The following CMIP variants were observed in gnomAD, a reference collection of about 807,000 sequenced individuals.
CMIP encodes C-Maf-inducing protein.
CMIP carries 13 observed loss-of-function variants against 97.3 expected under a neutral mutation model. That is an observed-to-expected ratio of 0.13 (90% CI 0.09 to 0.21). The LOEUF (loss-of-function observed/expected upper bound fraction) is 0.21, where lower values mean the gene tolerates loss of function less well. Ranked by LOEUF, CMIP falls within the 10% of genes least tolerant of loss-of-function variation. The pLI, the probability that CMIP is intolerant of heterozygous loss-of-function variation, is 1.00. For missense variants in CMIP, 847 were observed against 1,024.9 expected (o/e 0.83, Z 2.37); for synonymous variants, 538 against 436.3 (o/e 1.23, Z -2.91).
intron 1 of CMIP, among the ~76,000 whole-genome samples, chr16:81,556,953 G>A (rs2150865931): frequency 6.6e-6 from 1 of 152,302 alleles, no homozygotes; most frequent in Admixed American, 6.5e-5. Context: ...ATGTCATGTG[G>A]TGCCCTGGAT....
intron 4 of CMIP, among the ~76,000 whole-genome samples, chr16:81,657,292 TAGTTTGAGAAGC>T (rs2092494291): frequency 6.6e-6 from 1 of 152,184 alleles, no homozygotes; most frequent in Non-Finnish European, 1.5e-5. Flanking sequence ...CTTGGGAACT[TAGTTTGAGAAGC>T]ACTGAAATCA....
Position 81,709,856 on chromosome 16 carries a change from A to G in CMIP, c.*57A>G, listed in dbSNP as rs1908566550. On this transcript the variant is annotated 3_prime_UTR_variant, in exon 21 of 21. Transcript: ENST00000537098. ...AACCGCGACAAAATAACTCTTGACT[A>G]ACAGCCGCAGAGCAGCCGGTCCTGG... The G allele has an allele frequency of 2.8e-6, 4 of 1,413,340 alleles. No homozygotes were observed. In the African/African-American group the frequency reaches 4.4e-5, roughly 16 times the overall value. The allele number at this position is 1,413,340 out of a possible 1,614,324, so 87.5% of individuals were successfully genotyped here. A position where few individuals can be genotyped will look rare whatever the true frequency, so the allele number is the denominator to read the frequency against.
chr16:81,681,909 G>C (rs1904909223), intron 10 of CMIP, among the ~76,000 whole-genome samples: 1 of 152,138 alleles, frequency 6.6e-6, no homozygotes, highest in African/African-American at 2.4e-5. Flanking sequence ...TTCTTGATAA[G>C]AGTAAACTGC....
At chr16:81,514,898 G>A (rs778778661) in intron 1 of CMIP, among the ~76,000 whole-genome samples, 6 of 152,208 alleles carry the variant, frequency 3.9e-5, no homozygotes. Flanking sequence ...ACATCTTTCA[G>A]AGGAGCTACC....
Position 81,614,856 on chromosome 16 carries a change from CTG to C in CMIP, c.427-6013_427-6012del, listed in dbSNP as rs1024595699. ...ATACGGTGTGTATGCACATGTATCT[CTG>C]TGTGTGCATGTGTGTGTGGTATGTG... On this transcript the variant is annotated intron_variant, in intron 2 of 20. Transcript: ENST00000537098. This position sits in a 1 kb window ranked among gnomAD's most constrained non-coding sequence, Gnocchi z 5.3. 1.3e-5 allele frequency among the ~76,000 whole-genome samples: 2 copies of C among 149,468 alleles called. No homozygotes were observed. The highest frequency in any genetic ancestry group is 3.0e-5 in the Non-Finnish European group (2 of 67,486).
chr16:81,629,887 C>T (rs139812078), intron 3 of CMIP, among the ~76,000 whole-genome samples: 9 of 152,362 alleles, frequency 5.9e-5, no homozygotes, highest in African/African-American at 1.2e-4. Context: ...CAGCCATGAC[C>T]GTCGTGTATC....
intron 16 of CMIP, among the ~76,000 whole-genome samples, chr16:81,702,285 T>G (rs1907505458): frequency 6.6e-6 from 1 of 152,096 alleles, no homozygotes; most frequent in Non-Finnish European, 1.5e-5. Context: ...TGAGATATGT[T>G]TGAGACATGG....
At chr16:81,645,713 G>A in intron 3 of CMIP, 1 of 1,279,818 alleles carries the variant, frequency 7.8e-7, no homozygotes, top group Non-Finnish European at 1.1e-6. Flanking sequence ...CTGGCTGGTG[G>A]GGCTTGGGCT....
At chr16:81,587,455 C>G (rs899751075) in intron 1 of CMIP, among the ~76,000 whole-genome samples, 1 of 152,230 alleles carries the variant, frequency 6.6e-6, no homozygotes, top group Non-Finnish European at 1.5e-5. Context: ...GGTTTCACCT[C>G]TGTTCAGCCA....
At chr16:81,504,499 C>T (rs556532036) in intron 1 of CMIP, among the ~76,000 whole-genome samples, 5 of 151,402 alleles carry the variant, frequency 3.3e-5, no homozygotes, top group South Asian at 2.1e-4. Flanking sequence ...AAAAATTAGC[C>T]GGGTGTAGTA....
chr16:81,489,405 T>A (rs535051801), intron 1 of CMIP, among the ~76,000 whole-genome samples: 41 of 152,334 alleles, frequency 2.7e-4, no homozygotes, highest in African/African-American at 8.9e-4. Flanking sequence ...AATACACTGG[T>A]ACTTTTTTCT....
intron 1 of CMIP, among the ~76,000 whole-genome samples, chr16:81,595,085 C>T (rs1253590775): frequency 2.0e-5 from 3 of 151,218 alleles, no homozygotes; most frequent in Non-Finnish European, 4.4e-5. Flanking sequence ...TATTTTCAGA[C>T]CATAGTTGAC....
At chr16:81,698,321 C>A (rs1906995643) in intron 14 of CMIP, among the ~76,000 whole-genome samples, 1 of 152,218 alleles carries the variant, frequency 6.6e-6, no homozygotes, top group South Asian at 2.1e-4. Context: ...CCCTTGGGCC[C>A]CCATCGCCCA....
chr16:81,686,145 G>A (rs1321360532), intron 10 of CMIP, among the ~76,000 whole-genome samples: 1 of 152,222 alleles, frequency 6.6e-6, no homozygotes, highest in African/African-American at 2.4e-5. Flanking sequence ...GAGAGCACCT[G>A]GCACGCAGCA....
chr16:81,485,470 C>T (rs1351293720), intron 1 of CMIP, among the ~76,000 whole-genome samples: 1 of 152,214 alleles, frequency 6.6e-6, no homozygotes, highest in Non-Finnish European at 1.5e-5. Flanking sequence ...CTGTGGACTG[C>T]TGGACGTCCC....
intron 1 of CMIP, among the ~76,000 whole-genome samples, chr16:81,603,612 C>T (rs898783024): frequency 4.6e-5 from 7 of 152,056 alleles, no homozygotes; most frequent in Non-Finnish European, 1.0e-4. Flanking sequence ...TTTTTCTGTC[C>T]CGGGATCCCA....
chr16:81,574,523 G>A (rs1391783436), intron 1 of CMIP, among the ~76,000 whole-genome samples: 5 of 152,280 alleles, frequency 3.3e-5, no homozygotes, highest in African/African-American at 9.6e-5. Flanking sequence ...GGCAAAAGCT[G>A]GAAGGCTGTT....
chr16:81,639,147 G>A (rs1269999734), intron 3 of CMIP, among the ~76,000 whole-genome samples: 1 of 152,222 alleles, frequency 6.6e-6, no homozygotes, highest in Non-Finnish European at 1.5e-5. Context: ...CTGTGACCTG[G>A]AGTGGGTTAC....
intron 1 of CMIP, among the ~76,000 whole-genome samples, chr16:81,556,939 C>G (rs2090776019): frequency 6.6e-6 from 1 of 152,186 alleles, no homozygotes; most frequent in African/African-American, 2.4e-5. Context: ...GGCGCGATGA[C>G]TCAATGTCAT....
Sources: allele counts gnomAD v4.1 joint callset (sites outside exome capture counted in the v4.1 genomes callset), GRCh38; gene constraint gnomAD v4.1.1; non-coding constraint Gnocchi (gnomAD v3.1); transcripts MANE v1.5; gene names NCBI Gene and HGNC (gene_info 2026-07-23, HGNC 2026-07-21).